The following PTPRN2 variants were observed in gnomAD, a reference collection of about 807,000 sequenced individuals.
PTPRN2 encodes the protein receptor-type tyrosine-protein phosphatase N2.
Under a neutral mutation model 118.8 loss-of-function variants are expected in PTPRN2, and 74 were observed. The ratio of observed to expected loss-of-function variants is 0.62; its 90% CI spans 0.52 to 0.76. PTPRN2 has a LOEUF of 0.76. PTPRN2 is among the 30% of genes least tolerant of loss of function. The pLI is 0.00. For missense variants in PTPRN2, 1,481 were observed against 1,394.4 expected (o/e 1.06, Z -0.99); for synonymous variants, 641 against 608.0 (o/e 1.05, Z -0.80).
At chr7:158,502,167 C>G (rs1324303989) in intron 1 of PTPRN2, among the ~76,000 whole-genome samples, 1 of 152,280 alleles carries the variant, frequency 6.6e-6, no homozygotes, top group African/African-American at 2.4e-5. Flanking sequence ...CTGGGGTAGG[C>G]AAACCATGGT....
At chr7:157,804,262 G>A (rs1223740984) in intron 12 of PTPRN2, among the ~76,000 whole-genome samples, 1 of 152,206 alleles carries the variant, frequency 6.6e-6, no homozygotes, top group Non-Finnish European at 1.5e-5. Flanking sequence ...TAATATCAGA[G>A]AGGATTAACC....
intron 11 of PTPRN2, among the ~76,000 whole-genome samples, chr7:158,043,025 A>C (rs1808585272): frequency 6.6e-6 from 1 of 152,160 alleles, no homozygotes; most frequent in African/African-American, 2.4e-5. Flanking sequence ...AGACCAAAAA[A>C]ATGGAGGAAA....
At chr7:158,315,943 A>G (rs960759819) in intron 3 of PTPRN2, among the ~76,000 whole-genome samples, 2 of 152,154 alleles carry the variant, frequency 1.3e-5, no homozygotes, top group Non-Finnish European at 2.9e-5. Context: ...CCATGGGCCC[A>G]TGAACAAGGT....
intron 11 of PTPRN2, among the ~76,000 whole-genome samples, chr7:158,066,786 C>T (rs1810809637): frequency 6.6e-6 from 1 of 151,922 alleles, no homozygotes. Context: ...CTCTGGACCT[C>T]AGGATGTGAC....
chr7:157,825,513 T>A (rs1398715787), intron 12 of PTPRN2, among the ~76,000 whole-genome samples: 2 of 152,226 alleles, frequency 1.3e-5, no homozygotes, highest in Non-Finnish European at 2.9e-5. Flanking sequence ...TAATCCTGAC[T>A]AATACACACG....
chr7:157,778,465 A>G (rs1170164826), intron 12 of PTPRN2, among the ~76,000 whole-genome samples: 24 of 151,362 alleles, frequency 1.6e-4, no homozygotes, highest in African/African-American at 2.7e-4. Context: ...GAATGAATAC[A>G]GGTGTTGGGT....
intron 3 of PTPRN2, among the ~76,000 whole-genome samples, chr7:158,242,794 T>C (rs1278135197): frequency 6.6e-6 from 1 of 152,222 alleles, no homozygotes; most frequent in Non-Finnish European, 1.5e-5. Context: ...TTCTTCCAGA[T>C]TGTCCAATGT....
chr7:157,809,244 A>AGCTGCCCCGAGTGCTCCAGCT, intron 12 of PTPRN2, among the ~76,000 whole-genome samples: 5 of 151,898 alleles, frequency 3.3e-5, no homozygotes, highest in African/African-American at 1.2e-4. Flanking sequence ...GAGGGGGCTC[A>AGCTGCCCCGAGTGCTCCAGCT]GCCCTGAGCG....
rs1827665960 is a variant in PTPRN2 at position 158,212,439 on chromosome 7, T to C, written c.278-7166A>G. ...AATACTTCAGGTGATGAACATCCCA[T>C]TTACCCTGACGTGATTATTATGCAT... On this transcript the variant is annotated intron_variant, in intron 3 of 22. Coordinates refer to ENST00000389418, the MANE Select transcript of PTPRN2 (RefSeq NM_002847.5). Among the ~76,000 whole-genome samples the C allele has an allele frequency of 3.3e-5, 5 of 152,118 alleles. No individual in the cohort carries two copies. The South Asian group carries it at 1.0e-3, about 31-fold the overall frequency.
intron 2 of PTPRN2, among the ~76,000 whole-genome samples, chr7:158,387,577 A>ACTCTCTGGGTCCTGGGGGGACTGGACT (rs1586542379): frequency 2.0e-5 from 3 of 151,182 alleles, no homozygotes; most frequent in Non-Finnish European, 4.4e-5. Flanking sequence ...CTGTCAGCTC[A>ACTCTCTGGGTCCTGGGGGGACTGGACT]GCTTGGCCCG....
chr7:158,085,843 C>T (rs1394844298), intron 10 of PTPRN2, among the ~76,000 whole-genome samples: 16 of 136,906 alleles, frequency 1.2e-4, no homozygotes, highest in South Asian at 1.0e-3. Flanking sequence ...ACACCCATGA[C>T]GCCCATCCAC....
chr7:158,029,985 G>A (rs372625704), intron 11 of PTPRN2: 2 of 152,326 alleles, frequency 1.3e-5, no homozygotes, highest in South Asian at 2.1e-4. Context: ...ACCAGTTTAC[G>A]ACATCATCAA....
chr7:157,616,983 A>ATATT (rs1274871888), intron 15 of PTPRN2: 2 of 152,274 alleles, frequency 1.3e-5, no homozygotes, highest in African/African-American at 4.8e-5. Context: ...GAAGTTTGAA[A>ATATT]TGGACATGGA....
chr7:158,083,798 G>C (rs1211484311), intron 10 of PTPRN2, among the ~76,000 whole-genome samples: 1 of 152,172 alleles, frequency 6.6e-6, no homozygotes, highest in Non-Finnish European at 1.5e-5. Flanking sequence ...TGCGGTCACG[G>C]TGCACTGAGC....
intron 6 of PTPRN2, among the ~76,000 whole-genome samples, chr7:158,166,525 C>T (rs79013786): frequency 2.2e-4 from 5 of 22,850 alleles, no homozygotes; most frequent in East Asian, 3.8e-3. Flanking sequence ...CCCCGGCCGC[C>T]GCGTTCCCTG....
chr7:158,437,673 G>A (rs565890852), intron 2 of PTPRN2, among the ~76,000 whole-genome samples: 5 of 152,304 alleles, frequency 3.3e-5, no homozygotes, highest in South Asian at 2.1e-4. Flanking sequence ...GGATGTGTGC[G>A]ATGGCCCCTC....
chr7:157,999,017 G>A (rs1805009653), intron 11 of PTPRN2, among the ~76,000 whole-genome samples: 1 of 151,884 alleles, frequency 6.6e-6, no homozygotes, highest in African/African-American at 2.4e-5. Flanking sequence ...TGCTGACAGT[G>A]TGGGGCGGTC....
intron 12 of PTPRN2, among the ~76,000 whole-genome samples, chr7:157,824,724 G>A (rs564443616): frequency 4.6e-5 from 7 of 152,142 alleles, no homozygotes; most frequent in Non-Finnish European, 1.0e-4. Flanking sequence ...AGAGTCTTTG[G>A]GTGTGAACCT....
At chr7:157,933,774 G>C (rs112358908) in intron 11 of PTPRN2, among the ~76,000 whole-genome samples, 1 of 133,142 alleles carries the variant, frequency 7.5e-6, no homozygotes, top group African/African-American at 2.6e-5. Context: ...CTGATTGACA[G>C]TTTTAGAGGA....
Sources: gnomAD v4.1 joint callset for allele counts (sites outside exome capture counted in the v4.1 genomes callset) on GRCh38, gnomAD v4.1.1 for gene constraint, MANE v1.5 for transcripts, NCBI Gene and HGNC (gene_info 2026-07-23, HGNC 2026-07-21) for gene names.